The following TXLNB variants were observed in gnomAD, a reference collection of about 807,000 sequenced individuals.
TXLNB encodes the protein beta-taxilin.
A neutral mutation model predicts 57.4 loss-of-function variants in TXLNB; 37 were observed. That is an observed-to-expected ratio of 0.64 (90% CI 0.50 to 0.85). The LOEUF (loss-of-function observed/expected upper bound fraction) is 0.85, where lower values mean the gene tolerates loss of function less well. Among genes scored for constraint, TXLNB ranks in the 40% least tolerant of loss-of-function variants. TXLNB has a pLI of 0.00. For synonymous variants in TXLNB, 302 were observed against 309.6 expected, an observed-to-expected ratio of 0.98 and a Z score of 0.26; for missense variants, 848 against 825.6, an observed-to-expected ratio of 1.03 and a Z score of -0.33.
chr6:139,274,850 A>T (rs181070426), intron 3 of TXLNB, among the ~76,000 whole-genome samples: 4 of 152,302 alleles, frequency 2.6e-5, no homozygotes, highest in Admixed American at 6.5e-5. Context: ...GAAGGGGTAA[A>T]GGAAAAATGA....
chr6:139,315,404 C>T, the TXLNB span, among the ~76,000 whole-genome samples: 1 of 152,148 alleles, frequency 6.6e-6, no homozygotes, highest in Non-Finnish European at 1.5e-5. Context: ...AGGCAGCAGG[C>T]AAGGTGAACC....
chr6:139,188,698 C>G, the TXLNB span, among the ~76,000 whole-genome samples: 8 of 152,158 alleles, frequency 5.3e-5, no homozygotes, highest in African/African-American at 1.9e-4. Flanking sequence ...TGCCGGGAAG[C>G]AAGAGCTTTT....
chr6:139,171,832 TTG>T, the TXLNB span, among the ~76,000 whole-genome samples: 7 of 151,444 alleles, frequency 4.6e-5, no homozygotes, highest in African/African-American at 7.3e-5. Flanking sequence ...TTGTTTGTTG[TTG>T]TGTTTTTTTT....
the TXLNB span, among the ~76,000 whole-genome samples, chr6:139,208,238 A>G: frequency 2.6e-5 from 4 of 151,968 alleles, no homozygotes; most frequent in Admixed American, 2.6e-4. Context: ...TTCTAGATTA[A>G]ATCAGGAAAA....
chr6:139,164,191 G>T, the TXLNB span, among the ~76,000 whole-genome samples: 2 of 151,842 alleles, frequency 1.3e-5, no homozygotes, highest in African/African-American at 2.4e-5. Flanking sequence ...TTCCAGTCCC[G>T]TGCCCCACGC....
the TXLNB span, among the ~76,000 whole-genome samples, chr6:139,217,129 G>T: frequency 6.6e-6 from 1 of 152,214 alleles, no homozygotes; most frequent in Admixed American, 6.5e-5. Context: ...TTTTGTGGAA[G>T]GTTCTGAGAG....
chr6:139,203,504 C>T, the TXLNB span: 6 of 152,230 alleles, frequency 3.9e-5, no homozygotes, highest in African/African-American at 1.4e-4. Flanking sequence ...GCTGCCTACT[C>T]CCTTTTTCTT....
chr6:139,184,217 G>A, the TXLNB span, among the ~76,000 whole-genome samples: 1 of 152,196 alleles, frequency 6.6e-6, no homozygotes, highest in African/African-American at 2.4e-5. Flanking sequence ...AGTGAGAGGA[G>A]CCTTGTGGGT....
chr6:139,285,686 C>T (rs759976876), intron 2 of TXLNB, among the ~76,000 whole-genome samples: 3 of 144,952 alleles, frequency 2.1e-5, no homozygotes, highest in African/African-American at 5.1e-5. Flanking sequence ...AGCATCATAG[C>T]GATATCTGTA....
chr6:139,166,624 G>C, the TXLNB span: 1 of 1,614,232 alleles, frequency 6.2e-7, no homozygotes, highest in Non-Finnish European at 8.5e-7. Context: ...AAAAGAAGAA[G>C]TCTGGCTCCG....
the TXLNB span, chr6:139,183,501 G>A: frequency 6.6e-6 from 1 of 152,064 alleles, no homozygotes; most frequent in African/African-American, 2.4e-5. Flanking sequence ...CTTTCATTTG[G>A]TGTTTACTGA....
chr6:139,319,733 C>T, the TXLNB span, among the ~76,000 whole-genome samples: 6 of 152,092 alleles, frequency 3.9e-5, no homozygotes, highest in East Asian at 1.2e-3. Flanking sequence ...CATCTGCACT[C>T]CAGCCTGGGT....
chr6:139,321,590 C>G, the TXLNB span, among the ~76,000 whole-genome samples: 89 of 126,882 alleles, frequency 7.0e-4, no homozygotes, highest in African/African-American at 2.6e-3. Flanking sequence ...ACAGAGACTT[C>G]TGAAAACTTT....
chr6:139,321,609 T>C, the TXLNB span, among the ~76,000 whole-genome samples: 1 of 150,492 alleles, frequency 6.6e-6, no homozygotes. Flanking sequence ...TTTACATTTA[T>C]GTCTCTAGCC....
chr6:139,293,134 G>T (rs1327403019), upstream of TXLNB, among the ~76,000 whole-genome samples: 1 of 152,136 alleles, frequency 6.6e-6, no homozygotes, highest in Non-Finnish European at 1.5e-5. Flanking sequence ...GTCTCGCTCT[G>T]TCACTCAGGC....
the TXLNB span, among the ~76,000 whole-genome samples, chr6:139,202,681 C>A: frequency 3.9e-5 from 6 of 152,138 alleles, no homozygotes; most frequent in African/African-American, 1.4e-4. Context: ...TATCCATCAC[C>A]TCCAACATTT....
chr6:139,317,581 A>G, the TXLNB span, among the ~76,000 whole-genome samples: 15 of 152,154 alleles, frequency 9.9e-5, no homozygotes, highest in African/African-American at 3.6e-4. Flanking sequence ...TTGTATTTTT[A>G]GTAGAGACAG....
chr6:139,242,645 G>A lies in TXLNB; in HGVS notation c.1936C>T (p.Pro646Ser). 1.2e-6 allele frequency: 2 copies of A among 1,607,988 alleles called. No individual in the cohort carries two copies. Among genetic ancestry groups the A allele is most frequent in the Non-Finnish European group, 1.7e-6 (2 of 1,177,280 alleles). ...AAEEHVAAMV[P>S]ACEPSRQPPR... The stretch of plus-strand genomic sequence containing the variant: ...GGCTGCCTACTGGGCTCGCATGCAG[G>A]CACCATGGCTGCAACGTGCTCTTCT... The change falls in exon 10 of 10, where the codon CCT (proline) becomes TCT (serine). Residue 646 changes from proline to serine, a missense_variant. Transcript: ENST00000358430.
In TXLNB at chr6:139,242,720, C is replaced by G; in HGVS notation, c.1861G>C (p.Ala621Pro). 6.2e-7 allele frequency: 1 copy of G among 1,612,014 alleles called. No individual in the cohort carries two copies. The highest frequency in any genetic ancestry group is 8.5e-7 in the Non-Finnish European group (1 of 1,179,342). ...SGQAPQAPTE[A>P]SLQKMEADVP... ...TCTGCCTCCATCTTCTGTAGGGAGG[C>G]CTCGGTGGGAGCCTGTGGGGCCTGA... The change falls in exon 10 of 10, where the codon GCC becomes CCC. Residue 621 changes from alanine (A) to proline (P), a missense_variant. Coordinates refer to ENST00000358430, the MANE Select transcript of TXLNB (RefSeq NM_153235.4).
Sources: gnomAD v4.1 joint callset for allele counts (sites outside exome capture counted in the v4.1 genomes callset) on GRCh38, gnomAD v4.1.1 for gene constraint, MANE v1.5 for transcripts, NCBI Gene and HGNC (gene_info 2026-07-23, HGNC 2026-07-21) for gene names.